SS18L1: variants seen among roughly 807,000 people sequenced by gnomAD.
SS18L1 encodes SS18L1 subunit of BAF chromatin remodeling complex.
Under a neutral mutation model 70.3 loss-of-function variants are expected in SS18L1, and 32 were observed. The observed-to-expected ratio is 0.46, with a 90% CI of 0.34 to 0.61. SS18L1 has a LOEUF of 0.61. Ranked by LOEUF, SS18L1 falls within the 20% of genes least tolerant of loss-of-function variation. The probability of loss-of-function intolerance (pLI) is 0.01; values close to 1 mark genes in which losing one functional copy is unlikely to be tolerated. For synonymous variants in SS18L1, 237 were observed against 229.7 expected, an observed-to-expected ratio of 1.03 and a Z score of -0.29; for missense variants, 430 against 542.1, an observed-to-expected ratio of 0.79 and a Z score of 2.05.
rs755828983 is a variant in SS18L1 at position 62,162,926 on chromosome 20, A to G, written c.551A>G (p.Asn184Ser). The change falls in exon 5 of 11, where the codon AAC becomes AGC. Residue 184 changes from asparagine (N) to serine (S), a missense_variant. By Grantham distance (46) the Asn-to-Ser change is conservative. Coordinates refer to ENST00000331758, the MANE Select transcript of SS18L1 (RefSeq NM_198935.3). ...VSRTNINMQS[N>S]PVSMMQQQAA... The stretch of plus-strand genomic sequence containing the variant: ...CGGACCAACATCAACATGCAGTCCA[A>G]CCCAGGTACCTACTCTGCCTCTGCA... 8 of 1,611,278 alleles carry G rather than the reference A, an allele frequency of 5.0e-6. No individual in the cohort carries two copies. Among genetic ancestry groups the G allele is most frequent in the Non-Finnish European group, 6.8e-6 (8 of 1,179,690 alleles).
intron 8 of SS18L1, among the ~76,000 whole-genome samples, chr20:62,167,670 C>G (rs1306926701): frequency 6.6e-6 from 1 of 152,246 alleles, no homozygotes; most frequent in Non-Finnish European, 1.5e-5. Flanking sequence ...CATCATGGGC[C>G]TGGCCCTGTC....
Position 62,159,646 on chromosome 20 carries a change from T to C in SS18L1, c.147-231T>C, listed in dbSNP as rs1254544401. Among the ~76,000 whole-genome samples, 1 of 152,062 alleles carries C rather than the reference T, an allele frequency of 6.6e-6. No homozygotes were observed. On this transcript the variant is annotated intron_variant, in intron 2 of 10. Transcript: ENST00000331758. This position sits in a 1 kb window ranked among gnomAD's most constrained non-coding sequence, Gnocchi z 4.4. ...TAGAGTCTTTCCAGAGTTTTTGTCA[T>C]GGGTTGGGAGCCTGCTCAGGGTTTG...
intron 1 of SS18L1, among the ~76,000 whole-genome samples, chr20:62,149,789 G>T (rs1238149673): frequency 6.6e-6 from 1 of 152,244 alleles, no homozygotes; most frequent in Non-Finnish European, 1.5e-5. Flanking sequence ...GGAAAGGGAG[G>T]TGAGGACTCC....
chr20:62,172,406 C>T (rs2057547837), intron 8 of SS18L1, among the ~76,000 whole-genome samples: 1 of 152,082 alleles, frequency 6.6e-6, no homozygotes, highest in African/African-American at 2.4e-5. Flanking sequence ...GGAGTTAGGA[C>T]ATCAGCATCT....
intron 1 of SS18L1, among the ~76,000 whole-genome samples, chr20:62,145,017 T>G (rs945522167): frequency 6.6e-6 from 1 of 152,246 alleles, no homozygotes; most frequent in African/African-American, 2.4e-5. Context: ...TATCGCCTAT[T>G]TTGAGACTAC....
In SS18L1 at chr20:62,180,895, C is replaced by CAAAA. The variant is rs1461747863; in HGVS notation, c.*1691_*1694dup. 5.9e-6 allele frequency: 1 copy of CAAAA among 169,694 alleles called. No homozygotes were observed. The highest frequency in any genetic ancestry group is 1.3e-5 in the Non-Finnish European group (1 of 78,352). 10.5% of individuals were successfully genotyped at this position (169,694 alleles called of 1,614,324 possible). The stretch of plus-strand genomic sequence containing the variant: ...AGGCAACAAGAGTGAAATTCCGTCT[C>CAAAA]AAAAAAATAAATAAATAAATAAATA... On this transcript the variant is annotated 3_prime_UTR_variant, in exon 11 of 11. Coordinates refer to ENST00000331758, the MANE Select transcript of SS18L1 (RefSeq NM_198935.3).
At chr20:62,145,896 T>C (rs1277671817) in intron 1 of SS18L1, among the ~76,000 whole-genome samples, 1 of 152,194 alleles carries the variant, frequency 6.6e-6, no homozygotes, top group Non-Finnish European at 1.5e-5. Context: ...TGTGTGCTGG[T>C]AGTGTCATGC....
In SS18L1 at chr20:62,152,930, G is replaced by A. The variant is rs78024236; in HGVS notation, c.70-5742G>A. On this transcript the variant is annotated intron_variant, in intron 1 of 10. Coordinates refer to ENST00000331758, the MANE Select transcript of SS18L1 (RefSeq NM_198935.3). ...TGGATTTTATGCTCACCAAAGCCGC[G>A]CGTGCACATCAGGAGTCAAGAAGCA... Among the ~76,000 whole-genome samples the A allele has an allele frequency of 3.3e-3, 499 of 152,210 alleles. 6 individuals are homozygous for A. In the East Asian group the frequency reaches 0.047, roughly 14 times the overall value.
Position 62,182,234 on chromosome 20 carries a change from C to A in SS18L1, c.*3026C>A, listed in dbSNP as rs2057722798. On this transcript the variant is annotated 3_prime_UTR_variant, in exon 11 of 11. Transcript: ENST00000331758. Reference sequence around the variant, plus strand: ...AACCTCTGATTTTGTCAGGGTTTTTCTACGTGTAGGCGTGAATAGGGGGCA... The same window carrying A: ...AACCTCTGATTTTGTCAGGGTTTTTATACGTGTAGGCGTGAATAGGGGGCA... 1 of 217,994 alleles carries A rather than the reference C, an allele frequency of 4.6e-6. No homozygotes were observed. The highest frequency in any genetic ancestry group is 1.9e-4 in the South Asian group (1 of 5,404). 13.5% of individuals were successfully genotyped at this position (217,994 alleles called of 1,614,324 possible).
rs376916756 is a variant in SS18L1, at chr20:62,147,041, G to A, written c.69+3152G>A. On this transcript the variant is annotated intron_variant, in intron 1 of 10. Coordinates refer to ENST00000331758, the MANE Select transcript of SS18L1 (RefSeq NM_198935.3). ...ACCTCATTTCCAGTACCTCCCATGCGCAGGCACCAGGGGTCTGGGTACAGT... is the reference window on the plus strand; with the variant it reads ...ACCTCATTTCCAGTACCTCCCATGCACAGGCACCAGGGGTCTGGGTACAGT... 8.3e-4 allele frequency among the ~76,000 whole-genome samples: 126 copies of A among 152,262 alleles called. 2 individuals are homozygous for A. In the South Asian group the frequency reaches 0.023, roughly 28 times the overall value.
intron 10 of SS18L1, among the ~76,000 whole-genome samples, chr20:62,175,934 G>A (rs1320199796): frequency 6.6e-6 from 1 of 152,334 alleles, no homozygotes; most frequent in East Asian, 1.9e-4. Context: ...TGAGGCCACT[G>A]TAGCCGACGC....
rs1361613749 is a variant in SS18L1, at chr20:62,159,690, C to T, written c.147-187C>T. ...GGGTTTGGGGTAGAGGCTGCCCTCC[C>T]GTCCCCACCGAGACCCCAGCACCCT... On this transcript the variant is annotated intron_variant, in intron 2 of 10. Coordinates refer to ENST00000331758, the MANE Select transcript of SS18L1 (RefSeq NM_198935.3). The surrounding 1 kb of genome is among the most constrained non-coding windows in gnomAD (Gnocchi z 4.4). Among the ~76,000 whole-genome samples, 3 of 150,862 alleles carry T rather than the reference C, an allele frequency of 2.0e-5. No homozygotes were observed. The highest frequency in any genetic ancestry group is 4.9e-5 in the African/African-American group (2 of 41,228).
intron 8 of SS18L1, 36 bp from the exon 9 acceptor site, chr20:62,172,646 G>A: frequency 6.2e-7 from 1 of 1,613,868 alleles, no homozygotes; most frequent in South Asian, 1.1e-5. Flanking sequence ...TAGCCCAGGT[G>A]GGGAAAGTCA....
chr20:62,163,167 C>G (rs1025063880), intron 5 of SS18L1, among the ~76,000 whole-genome samples: 1 of 152,174 alleles, frequency 6.6e-6, no homozygotes, highest in Non-Finnish European at 1.5e-5. Context: ...GGGTGTTTCC[C>G]ATGGAGTCTC....
chr20:62,164,063 C>G (rs765133492), intron 6 of SS18L1, 82 bp from the exon 7 acceptor site: 22 of 1,337,712 alleles, frequency 1.6e-5, no homozygotes, highest in Non-Finnish European at 2.2e-5. Flanking sequence ...TCAGCAAGGC[C>G]TTGGCTTCCC....
chr20:62,146,126 C>T (rs998125078), intron 1 of SS18L1, among the ~76,000 whole-genome samples: 3 of 152,064 alleles, frequency 2.0e-5, no homozygotes, highest in Admixed American at 6.6e-5. Context: ...GAGGTCTACA[C>T]CTTGTCCTTA....
Position 62,149,932 on chromosome 20 carries a change from G to A in SS18L1, c.69+6043G>A, listed in dbSNP as rs372732683. Among the ~76,000 whole-genome samples, 338 of 152,334 alleles carry A rather than the reference G, an allele frequency of 2.2e-3. 3 individuals are homozygous for A. The highest frequency in any genetic ancestry group is 7.7e-3 in the African/African-American group (320 of 41,566). Reference sequence around the variant, plus strand: ...TAAGCACGTCTCCAGCTTGGAAACTGTCAGGAGCACAGTGATTTTGTTGTG... The same window carrying A: ...TAAGCACGTCTCCAGCTTGGAAACTATCAGGAGCACAGTGATTTTGTTGTG... On this transcript the variant is annotated intron_variant, in intron 1 of 10. Transcript: ENST00000331758.
intron 3 of SS18L1, among the ~76,000 whole-genome samples, chr20:62,160,442 C>T (rs1345312798): frequency 6.7e-6 from 1 of 149,480 alleles, no homozygotes; most frequent in East Asian, 1.9e-4. Context: ...TCCCTGGAGC[C>T]TCTCCGGGTG....
intron 8 of SS18L1, among the ~76,000 whole-genome samples, chr20:62,166,390 G>A (rs991111566): frequency 6.6e-6 from 1 of 152,216 alleles, no homozygotes; most frequent in African/African-American, 2.4e-5. Flanking sequence ...CACAAAGCAG[G>A]CAGGCACTAA....
Sources: allele counts gnomAD v4.1 joint callset (sites outside exome capture counted in the v4.1 genomes callset), GRCh38; gene constraint gnomAD v4.1.1; non-coding constraint Gnocchi (gnomAD v3.1); transcripts MANE v1.5; gene names NCBI Gene and HGNC (gene_info 2026-07-23, HGNC 2026-07-21).